CDKAL1: variants seen among roughly 807,000 people sequenced by gnomAD.
The protein encoded by CDKAL1 is CDKAL1 threonylcarbamoyladenosine tRNA methylthiotransferase.
CDKAL1 carries 32 observed loss-of-function variants against 68.2 expected under a neutral mutation model. That is an observed-to-expected ratio of 0.47 (90% CI 0.35 to 0.63). The LOEUF (loss-of-function observed/expected upper bound fraction) is 0.63, where lower values mean the gene tolerates loss of function less well. Among genes scored for constraint, CDKAL1 ranks in the 30% least tolerant of loss-of-function variants. The probability of loss-of-function intolerance (pLI) is 0.00; values close to 1 mark genes in which losing one functional copy is unlikely to be tolerated. For missense variants in CDKAL1, 606 were observed against 696.7 expected, an observed-to-expected ratio of 0.87 and a Z score of 1.47; for synonymous variants, 234 against 244.3, an observed-to-expected ratio of 0.96 and a Z score of 0.39.
intron 5 of CDKAL1, among the ~76,000 whole-genome samples, chr6:20,688,196 C>A (rs1770714259): frequency 6.6e-6 from 1 of 150,900 alleles, no homozygotes; most frequent in South Asian, 2.1e-4. Flanking sequence ...TTGCATATGT[C>A]ATGCATAGGT....
chr6:20,583,886 C>T (rs374564194), intron 4 of CDKAL1, among the ~76,000 whole-genome samples: 1 of 150,558 alleles, frequency 6.6e-6, no homozygotes, highest in Non-Finnish European at 1.5e-5. Context: ...TTTAATCTGT[C>T]GAGTTTCAGC....
At chr6:20,917,378 G>A (rs186176862) in intron 9 of CDKAL1, among the ~76,000 whole-genome samples, 68 of 152,274 alleles carry the variant, frequency 4.5e-4, no homozygotes, top group Admixed American at 4.4e-3. Context: ...TTGATAGAAA[G>A]GAGATGGTAG....
rs547392587 is a variant in CDKAL1, at chr6:20,634,054, T to C, written c.287-15239T>C. Among the ~76,000 whole-genome samples the C allele has an allele frequency of 2.7e-4, 41 of 152,334 alleles. No homozygotes were observed. In the South Asian group the frequency reaches 8.1e-3, roughly 30 times the overall value. ...TTAAAATTCTATACTCTAGAATTGG[T>C]GCCGATCCTGGAAATGTACCATTCT... On this transcript the variant is annotated intron_variant, in intron 4 of 15. Coordinates refer to ENST00000274695, the MANE Select transcript of CDKAL1 (RefSeq NM_017774.3).
rs1275491614 is a variant in CDKAL1 at position 20,539,102 on chromosome 6, A to G, written c.-6+3708A>G. Among the ~76,000 whole-genome samples the G allele has an allele frequency of 6.6e-6, 1 of 152,222 alleles. No homozygotes were observed. Among genetic ancestry groups the G allele is most frequent in the Non-Finnish European group, 1.5e-5 (1 of 68,042 alleles). On this transcript the variant is annotated intron_variant, in intron 2 of 15. Coordinates refer to ENST00000274695, the MANE Select transcript of CDKAL1 (RefSeq NM_017774.3). This position sits in a 1 kb window ranked among gnomAD's most constrained non-coding sequence, Gnocchi z 4.3. The stretch of plus-strand genomic sequence containing the variant: ...GCGTGGTTATTTTAGATAAGGTAGT[A>G]GGAAAGGCCTCTCCGAGGAGATGTT...
intron 10 of CDKAL1, among the ~76,000 whole-genome samples, chr6:20,961,988 C>G (rs966171527): frequency 1.3e-5 from 2 of 152,178 alleles, no homozygotes; most frequent in African/African-American, 4.8e-5. Context: ...ACTTATCTCC[C>G]TTTAAGAGAC....
intron 10 of CDKAL1, among the ~76,000 whole-genome samples, chr6:20,970,003 CA>C (rs1305373561): frequency 6.6e-6 from 1 of 151,568 alleles, no homozygotes; most frequent in East Asian, 1.9e-4. Context: ...CAGCCTGAGG[CA>C]GCCCTGATGT....
intron 5 of CDKAL1, among the ~76,000 whole-genome samples, chr6:20,663,259 C>T (rs1021598999): frequency 2.0e-5 from 3 of 151,544 alleles, no homozygotes; most frequent in African/African-American, 7.3e-5. Flanking sequence ...TTTTATACTG[C>T]ACACATTGTT....
chr6:20,858,471 T>G (rs1392613990), intron 9 of CDKAL1, among the ~76,000 whole-genome samples: 1 of 152,190 alleles, frequency 6.6e-6, no homozygotes, highest in Non-Finnish European at 1.5e-5. Context: ...ACGCCTGTAA[T>G]GTGAAAATAA....
intron 8 of CDKAL1, among the ~76,000 whole-genome samples, chr6:20,807,195 T>A (rs1219674762): frequency 6.6e-6 from 1 of 152,164 alleles, no homozygotes; most frequent in Non-Finnish European, 1.5e-5. Flanking sequence ...TGTTATTTAT[T>A]TATTTATTTT....
chr6:21,003,369 T>TAC lies in CDKAL1; in HGVS notation c.1055+2998_1055+2999insCA, dbSNP rs1292656062. On this transcript the variant is annotated intron_variant, in intron 11 of 15. Coordinates refer to ENST00000274695, the MANE Select transcript of CDKAL1 (RefSeq NM_017774.3). ...ATATATATATATATATATATATATA[T>TAC]ATACACACACACACACACACATATA... Among the ~76,000 whole-genome samples, 253 of 46,604 alleles carry TAC rather than the reference T, an allele frequency of 5.4e-3. 4 individuals are homozygous for TAC. The highest frequency in any genetic ancestry group is 0.019 in the African/African-American group (214 of 11,344). The allele number at this position is 46,604 out of a possible 152,430, so 30.6% of individuals were successfully genotyped here.
intron 2 of CDKAL1, among the ~76,000 whole-genome samples, chr6:20,545,384 C>T (rs1293529440): frequency 6.6e-6 from 1 of 151,986 alleles, no homozygotes; most frequent in Non-Finnish European, 1.5e-5. Flanking sequence ...GAACATGAAC[C>T]TATCTAGTTT....
At chr6:20,550,190 C>G (rs542978196) in intron 4 of CDKAL1, among the ~76,000 whole-genome samples, 1 of 151,960 alleles carries the variant, frequency 6.6e-6, no homozygotes, top group African/African-American at 2.4e-5. Context: ...GGTAGCCAGG[C>G]TGGTCTAGAC....
At chr6:20,862,726 A>G (rs1490329098) in intron 9 of CDKAL1, among the ~76,000 whole-genome samples, 1 of 152,096 alleles carries the variant, frequency 6.6e-6, no homozygotes, top group African/African-American at 2.4e-5. Flanking sequence ...CCTGGGCTTC[A>G]TTTAAGAAGA....
intron 9 of CDKAL1, among the ~76,000 whole-genome samples, chr6:20,940,378 G>A (rs1734210816): frequency 6.6e-6 from 1 of 151,932 alleles, no homozygotes; most frequent in Non-Finnish European, 1.5e-5. Flanking sequence ...GTTCTTCATT[G>A]TAGGCAGTTC....
chr6:21,091,490 A>T (rs1292896859), intron 12 of CDKAL1, among the ~76,000 whole-genome samples: 1 of 152,342 alleles, frequency 6.6e-6, no homozygotes, highest in South Asian at 2.1e-4. Context: ...ACTACTTAAG[A>T]AGCAGCAGCT....
intron 4 of CDKAL1, among the ~76,000 whole-genome samples, chr6:20,561,598 TA>T (rs1764272725): frequency 6.6e-6 from 1 of 152,026 alleles, no homozygotes; most frequent in South Asian, 2.1e-4. Context: ...ATGGCAGTGG[TA>T]GTCCTTTCTG....
intron 9 of CDKAL1, among the ~76,000 whole-genome samples, chr6:20,880,958 C>T (rs1346100622): frequency 2.6e-5 from 4 of 152,144 alleles, no homozygotes; most frequent in Non-Finnish European, 5.9e-5. Context: ...GGGAAGTCAT[C>T]CAGGCATCTT....
At chr6:21,061,616 T>C (rs1455585780) in intron 11 of CDKAL1, among the ~76,000 whole-genome samples, 1 of 152,172 alleles carries the variant, frequency 6.6e-6, no homozygotes, top group Non-Finnish European at 1.5e-5. Flanking sequence ...TTAAATCATA[T>C]TCTAGTAATT....
chr6:21,189,642 G>A (rs1778155361), intron 13 of CDKAL1, among the ~76,000 whole-genome samples: 2 of 152,106 alleles, frequency 1.3e-5, no homozygotes, highest in Admixed American at 1.3e-4. Flanking sequence ...GGACTTAAAG[G>A]CTCATTACTT....
Sources: allele counts gnomAD v4.1 joint callset (sites outside exome capture counted in the v4.1 genomes callset), GRCh38; gene constraint gnomAD v4.1.1; non-coding constraint Gnocchi (gnomAD v3.1); transcripts MANE v1.5; gene names NCBI Gene and HGNC (gene_info 2026-07-23, HGNC 2026-07-21).